The following GRID2 variants were observed in gnomAD, a reference collection of about 807,000 sequenced individuals.
GRID2 encodes the protein glutamate receptor ionotropic, delta-2.
Under a neutral mutation model 114.8 loss-of-function variants are expected in GRID2, and 33 were observed. The observed-to-expected ratio is 0.29, with a 90% CI of 0.22 to 0.38. GRID2 has a LOEUF of 0.38. Among genes scored for constraint, GRID2 ranks in the 10% least tolerant of loss-of-function variants. GRID2 has a pLI of 1.00. For synonymous variants in GRID2, 505 were observed against 449.9 expected (o/e 1.12, Z -1.55); for missense variants, 1,184 against 1,257.7 (o/e 0.94, Z 0.89).
At chr4:93,600,096 A>C (rs1177066973) in intron 13 of GRID2, among the ~76,000 whole-genome samples, 4 of 152,194 alleles carry the variant, frequency 2.6e-5, no homozygotes, top group Non-Finnish European at 5.9e-5. Flanking sequence ...AGCCCTGCCA[A>C]ATTAAAAGGG....
intron 1 of GRID2, among the ~76,000 whole-genome samples, chr4:92,439,343 T>C (rs1393071357): frequency 6.6e-6 from 1 of 152,222 alleles, no homozygotes; most frequent in African/African-American, 2.4e-5. Flanking sequence ...TCAGGCCATC[T>C]GGGCGTATAT....
rs563816707 is a variant in GRID2, at chr4:93,104,791, T to A, written c.530-5957T>A. ...ATACGTGTGCATGTGTCTTTATAGC[T>A]ACATGATTTACAGTCCTTTGGGTAT... On this transcript the variant is annotated intron_variant, in intron 3 of 15. Coordinates refer to ENST00000282020, the MANE Select transcript of GRID2 (RefSeq NM_001510.4). Among the ~76,000 whole-genome samples the A allele has an allele frequency of 2.0e-5, 3 of 152,336 alleles. No individual in the cohort carries two copies. The East Asian group carries it at 5.8e-4, about 29-fold the overall frequency.
chr4:92,451,885 T>C (rs1475823534), intron 1 of GRID2, among the ~76,000 whole-genome samples: 1 of 152,174 alleles, frequency 6.6e-6, no homozygotes, highest in Non-Finnish European at 1.5e-5. Context: ...GGTCACAAGA[T>C]AAGATGTTTG....
Position 92,412,548 on chromosome 4 carries a change from G to A in GRID2, c.88+107804G>A, listed in dbSNP as rs1019574076. Among the ~76,000 whole-genome samples the A allele has an allele frequency of 3.3e-5, 5 of 151,942 alleles. No homozygotes were observed. The South Asian group carries it at 1.0e-3, about 32-fold the overall frequency. ...AACCTCTAAGGTTTTCATTTATCATGTAAAATAATTTTAAAATTAGAAACA... is the reference window on the plus strand; with the variant it reads ...AACCTCTAAGGTTTTCATTTATCATATAAAATAATTTTAAAATTAGAAACA... On this transcript the variant is annotated intron_variant, in intron 1 of 15. Coordinates refer to ENST00000282020, the MANE Select transcript of GRID2 (RefSeq NM_001510.4).
At chr4:93,700,390 T>C (rs967219978) in intron 14 of GRID2, among the ~76,000 whole-genome samples, 1 of 152,180 alleles carries the variant, frequency 6.6e-6, no homozygotes, top group Non-Finnish European at 1.5e-5. Context: ...GGATTCACTC[T>C]TGAACATTTC....
intron 2 of GRID2, among the ~76,000 whole-genome samples, chr4:93,057,196 CAG>C (rs1372310604): frequency 2.0e-5 from 3 of 147,462 alleles, no homozygotes; most frequent in African/African-American, 5.1e-5. Flanking sequence ...GTTAGAAAGA[CAG>C]AGATTTCTTA....
chr4:93,049,195 A>G (rs1315325494), intron 2 of GRID2, among the ~76,000 whole-genome samples: 1 of 152,072 alleles, frequency 6.6e-6, no homozygotes, highest in Non-Finnish European at 1.5e-5. Context: ...CATGTAAATT[A>G]TTATTCTGTT....
intron 1 of GRID2, among the ~76,000 whole-genome samples, chr4:92,379,330 C>T (rs936689152): frequency 6.6e-6 from 1 of 151,758 alleles, no homozygotes; most frequent in Non-Finnish European, 1.5e-5. Flanking sequence ...TTTTTGTTGC[C>T]ATGAGTTTGG....
At chr4:92,945,248 A>G (rs1751537457) in intron 2 of GRID2, among the ~76,000 whole-genome samples, 1 of 152,128 alleles carries the variant, frequency 6.6e-6, no homozygotes, top group Non-Finnish European at 1.5e-5. Flanking sequence ...TTGATAGTTT[A>G]CTGTAGAATA....
chr4:93,155,950 T>G (rs1013588789), intron 4 of GRID2, among the ~76,000 whole-genome samples: 1 of 151,626 alleles, frequency 6.6e-6, no homozygotes, highest in Non-Finnish European at 1.5e-5. Context: ...CATTGTATAT[T>G]TAAAAATCTA....
intron 14 of GRID2, among the ~76,000 whole-genome samples, chr4:93,746,990 A>G (rs1186910857): frequency 1.3e-5 from 2 of 152,050 alleles, no homozygotes; most frequent in South Asian, 2.1e-4. Context: ...TGTGTTTTAT[A>G]TAAGACAAGG....
chr4:92,957,931 C>G (rs1052441144), intron 2 of GRID2, among the ~76,000 whole-genome samples: 1 of 151,794 alleles, frequency 6.6e-6, no homozygotes, highest in Middle Eastern at 3.2e-3. Flanking sequence ...AGTGTGTGTT[C>G]TTGGTTTCAG....
intron 14 of GRID2, among the ~76,000 whole-genome samples, chr4:93,696,218 C>T (rs1183558212): frequency 6.6e-6 from 1 of 152,154 alleles, no homozygotes; most frequent in Non-Finnish European, 1.5e-5. Context: ...TGATCTTTGT[C>T]ATCTTCCACA....
chr4:93,284,629 T>C (rs1752962197), intron 8 of GRID2, among the ~76,000 whole-genome samples: 1 of 151,902 alleles, frequency 6.6e-6, no homozygotes, highest in Non-Finnish European at 1.5e-5. Context: ...TGTTTGAAGA[T>C]AGCATGAAAT....
intron 13 of GRID2, among the ~76,000 whole-genome samples, chr4:93,573,840 T>C: frequency 6.6e-6 from 1 of 152,140 alleles, no homozygotes; most frequent in South Asian, 2.1e-4. Context: ...ATTGTTGAAA[T>C]AATTTATGAG....
chr4:93,741,164 TATATATATAC>T (rs1332072811), intron 14 of GRID2, among the ~76,000 whole-genome samples: 1 of 45,798 alleles, frequency 2.2e-5, no homozygotes, highest in African/African-American at 1.4e-4. Context: ...AGAAACTATA[TATATATATAC>T]ATATATATAT....
chr4:93,422,333 AT>A (rs35577932), intron 9 of GRID2, among the ~76,000 whole-genome samples: 13,745 of 152,052 alleles, frequency 0.09, 1,599 homozygotes, highest in African/African-American at 0.27. Context: ...TGTTCTTAGA[AT>A]TTTTTTATCT....
At chr4:93,007,781 C>T (rs1721705834) in intron 2 of GRID2, among the ~76,000 whole-genome samples, 1 of 152,052 alleles carries the variant, frequency 6.6e-6, no homozygotes, top group Non-Finnish European at 1.5e-5. Context: ...TGGCTCATGC[C>T]TGTAATCCCA....
chr4:93,593,866 A>C (rs1578345788), intron 13 of GRID2, among the ~76,000 whole-genome samples: 1 of 151,780 alleles, frequency 6.6e-6, no homozygotes, highest in South Asian at 2.1e-4. Context: ...AGGCTTCTGC[A>C]TTCTTCACGT....
Sources: gnomAD v4.1 joint callset for allele counts (sites outside exome capture counted in the v4.1 genomes callset) on GRCh38, gnomAD v4.1.1 for gene constraint, MANE v1.5 for transcripts, NCBI Gene and HGNC (gene_info 2026-07-23, HGNC 2026-07-21) for gene names.